AXDND1: variants seen among roughly 807,000 people sequenced by gnomAD.
AXDND1 encodes axonemal dynein light chain domain containing 1, also known as axonemal dynein light chain domain-containing protein 1.
A neutral mutation model predicts 137.5 loss-of-function variants in AXDND1; 110 were observed. The observed-to-expected ratio is 0.80, with a 90% CI of 0.69 to 0.94. The LOEUF is 0.94. Ranked by LOEUF, AXDND1 falls within the 40% of genes least tolerant of loss-of-function variation. The probability of loss-of-function intolerance (pLI) is 0.00; values close to 1 mark genes in which losing one functional copy is unlikely to be tolerated. For synonymous variants in AXDND1, 414 were observed against 399.7 expected (o/e 1.04, Z -0.43); for missense variants, 1,191 against 1,169.8 (o/e 1.02, Z -0.26).
chr1:179,408,868 C>T (rs1653396286), intron 11 of AXDND1, among the ~76,000 whole-genome samples: 1 of 151,576 alleles, frequency 6.6e-6, no homozygotes, highest in African/African-American at 2.4e-5. Flanking sequence ...TTTTTTTCCC[C>T]TAAATGTGGT....
chr1:179,467,672 C>G (rs1466511727), intron 16 of AXDND1, among the ~76,000 whole-genome samples: 3 of 151,952 alleles, frequency 2.0e-5, no homozygotes, highest in Non-Finnish European at 4.4e-5. Flanking sequence ...AATGAGGTAG[C>G]AAATGGTTTA....
intron 3 of AXDND1, 26 bp downstream of exon 3, chr1:179,368,998 T>TA (rs768960124): frequency 2.6e-6 from 4 of 1,544,044 alleles, no homozygotes; most frequent in Non-Finnish European, 2.6e-6. Flanking sequence ...TGTAGAGTAA[T>TA]GGGGAACATT....
chr1:179,552,698 G>A (rs373566126), intron 25 of AXDND1: 3 of 1,604,254 alleles, frequency 1.9e-6, no homozygotes, highest in Non-Finnish European at 2.6e-6. Context: ...AAGAAAGAAT[G>A]CAGGTATGTA....
chr1:179,440,572 A>T (rs916229031), intron 15 of AXDND1, among the ~76,000 whole-genome samples: 1 of 152,248 alleles, frequency 6.6e-6, no homozygotes. Flanking sequence ...GCTGTGACAT[A>T]AATGGAACAG....
At chr1:179,525,566 A>G in intron 22 of AXDND1, 119 bp downstream of exon 22, 1 of 1,225,160 alleles carries the variant, frequency 8.2e-7, no homozygotes, top group South Asian at 1.8e-5. Context: ...GTATCATCAT[A>G]GCTCACTGTA....
At chr1:179,376,519 T>C (rs952236306) in intron 4 of AXDND1, among the ~76,000 whole-genome samples, 1 of 152,216 alleles carries the variant, frequency 6.6e-6, no homozygotes, top group Non-Finnish European at 1.5e-5. Flanking sequence ...CACCATGTGC[T>C]GTTGTGTCTC....
At chr1:179,400,973 G>C (rs7524128) in intron 11 of AXDND1, among the ~76,000 whole-genome samples, 42,951 of 143,424 alleles carry the variant, frequency 0.3, 6,470 homozygotes, top group Non-Finnish European at 0.32. Flanking sequence ...AAAAGAATGT[G>C]TACGGCCAGG....
At chr1:179,528,621 T>C (rs1161698619) in intron 23 of AXDND1, among the ~76,000 whole-genome samples, 190 bp downstream of exon 23, 1 of 150,326 alleles carries the variant, frequency 6.7e-6, no homozygotes, top group African/African-American at 2.4e-5. Context: ...CAAAAGCTTC[T>C]CATTCTCATC....
chr1:179,385,235 C>G lies in AXDND1; in HGVS notation c.742-3C>G. 1 of 1,607,702 alleles carries G rather than the reference C, an allele frequency of 6.2e-7. No homozygotes were observed. Among genetic ancestry groups the G allele is most frequent in the Middle Eastern group, 1.7e-4 (1 of 6,042 alleles). On this transcript the variant is annotated splice_region_variant and splice_polypyrimidine_tract_variant and intron_variant, in intron 8 of 25. Transcript: ENST00000367618. ...ACTGATTATGTTACTTACCTTCTGA[C>G]AGATGCACAAACTACTACATATATT... is the stretch of plus-strand genomic sequence containing the variant.
intron 9 of AXDND1, among the ~76,000 whole-genome samples, chr1:179,392,883 G>T (rs1020272523): frequency 6.6e-6 from 1 of 151,796 alleles, no homozygotes; most frequent in African/African-American, 2.4e-5. Context: ...CCTTTGCCAG[G>T]TGCATAGTTT....
chr1:179,517,770 T>C (rs892903547), intron 21 of AXDND1, among the ~76,000 whole-genome samples: 1 of 152,234 alleles, frequency 6.6e-6, no homozygotes, highest in Admixed American at 6.5e-5. Context: ...TTTCCCACTT[T>C]CGCAGTTTGG....
chr1:179,428,133 C>T (rs1208930435), intron 12 of AXDND1, among the ~76,000 whole-genome samples: 1 of 152,124 alleles, frequency 6.6e-6, no homozygotes, highest in Non-Finnish European at 1.5e-5. Context: ...ATACAGTGTT[C>T]CATTCTGATG....
intron 17 of AXDND1, among the ~76,000 whole-genome samples, chr1:179,478,096 G>A (rs1180649082): frequency 6.6e-6 from 1 of 152,182 alleles, no homozygotes; most frequent in Non-Finnish European, 1.5e-5. Context: ...GCTTTGTGGG[G>A]CACAGGCTCC....
At position 179,485,944 on chromosome 1, in the gene AXDND1, C is replaced by T. The variant is rs1404506517; in HGVS notation, c.2091+2723C>T. Among the ~76,000 whole-genome samples the T allele has an allele frequency of 2.6e-5, 4 of 151,700 alleles. No homozygotes were observed. In the East Asian group the frequency reaches 7.7e-4, roughly 29 times the overall value. On this transcript the variant is annotated intron_variant, in intron 18 of 25. Coordinates refer to ENST00000367618, the MANE Select transcript of AXDND1 (RefSeq NM_144696.6). ...ACCAGCCTGGCCAACATAGTGAAAC[C>T]CCATCTCTACTAAAAATACAGAAAA...
intron 12 of AXDND1, among the ~76,000 whole-genome samples, 187 bp downstream of exon 12, chr1:179,411,453 TC>T: frequency 6.6e-6 from 1 of 152,322 alleles, no homozygotes; most frequent in East Asian, 1.9e-4. Context: ...CAAGCAATTC[TC>T]CCACCTCAGC....
At position 179,400,213 on chromosome 1, in the gene AXDND1, G is replaced by GTA. The variant is rs924994410; in HGVS notation, c.1109+5023_1109+5024dup. Among the ~76,000 whole-genome samples, 480 of 151,258 alleles carry GTA rather than the reference G, an allele frequency of 3.2e-3. 4 individuals are homozygous for GTA. Among genetic ancestry groups the GTA allele is most frequent in the African/African-American group, 0.01 (433 of 41,330 alleles). On this transcript the variant is annotated intron_variant, in intron 11 of 25. Transcript: ENST00000367618. ...AACGAGTGGATAAAAAAACTGTGGTGTATATATATATATGATGGAATACCA... is the reference window on the plus strand; with the variant it reads ...AACGAGTGGATAAAAAAACTGTGGTGTATATATATATATATGATGGAATACCA...
chr1:179,476,298 CAT>C (rs1664615790), intron 17 of AXDND1, among the ~76,000 whole-genome samples: 2 of 152,266 alleles, frequency 1.3e-5, no homozygotes, highest in South Asian at 4.1e-4. Flanking sequence ...GCTGTTTTGG[CAT>C]ATATATTACA....
At chr1:179,489,745 T>C (rs996984427) in intron 18 of AXDND1, among the ~76,000 whole-genome samples, 1 of 6,340 alleles carries the variant, frequency 1.6e-4, no homozygotes, top group Non-Finnish European at 7.1e-4. Context: ...ACTTTTCTTT[T>C]TTTTTTTTTT....
intron 12 of AXDND1, among the ~76,000 whole-genome samples, chr1:179,416,241 A>G (rs1462165365): frequency 6.6e-6 from 1 of 152,186 alleles, no homozygotes; most frequent in Non-Finnish European, 1.5e-5. Flanking sequence ...CTCCAGTTTC[A>G]TCCATGTTGC....
Sources: allele counts gnomAD v4.1 joint callset (sites outside exome capture counted in the v4.1 genomes callset), GRCh38; gene constraint gnomAD v4.1.1; transcripts MANE v1.5; gene names NCBI Gene and HGNC (gene_info 2026-07-23, HGNC 2026-07-21).